The following TDRD5 variants were observed in gnomAD, a reference collection of about 807,000 sequenced individuals.
TDRD5 encodes tudor domain-containing protein 5.
Under a neutral mutation model 120.6 loss-of-function variants are expected in TDRD5, and 41 were observed. The observed-to-expected ratio is 0.34, with a 90% CI of 0.26 to 0.44. The LOEUF (loss-of-function observed/expected upper bound fraction) is 0.44. TDRD5 is among the 20% of genes least tolerant of loss of function. TDRD5 has a pLI of 1.00. For missense variants in TDRD5, 1,006 were observed against 1,221.2 expected, an observed-to-expected ratio of 0.82 and a Z score of 2.63; for synonymous variants, 430 against 433.7, an observed-to-expected ratio of 0.99 and a Z score of 0.11.
intron 13 of TDRD5, among the ~76,000 whole-genome samples, chr1:179,653,442 A>G (rs1222750268): frequency 6.6e-6 from 1 of 152,164 alleles, no homozygotes; most frequent in Non-Finnish European, 1.5e-5. Context: ...TGTTCAAAAC[A>G]ATATAAAGAT....
chr1:179,676,921 T>A (rs1350363227), intron 17 of TDRD5, among the ~76,000 whole-genome samples: 2 of 152,252 alleles, frequency 1.3e-5, no homozygotes, highest in South Asian at 2.1e-4. Context: ...AAGTTTTCCT[T>A]GATTATTCCC....
intron 4 of TDRD5, among the ~76,000 whole-genome samples, chr1:179,611,525 G>A (rs1241975721): frequency 2.6e-5 from 4 of 152,080 alleles, no homozygotes; most frequent in Admixed American, 2.0e-4. Context: ...TAGATTTGCT[G>A]TGCCCTTTTC....
At chr1:179,652,307 C>T in intron 13 of TDRD5, 110 bp downstream of exon 13, 1 of 1,088,606 alleles carries the variant, frequency 9.2e-7, no homozygotes, top group East Asian at 2.7e-5. Flanking sequence ...GGAAATTTTG[C>T]ACAGTGATCT....
At chr1:179,651,172 A>G (rs1678691969) in intron 12 of TDRD5, 105 bp downstream of exon 12, 27 of 1,242,496 alleles carry the variant, frequency 2.2e-5, no homozygotes, top group Non-Finnish European at 2.8e-5. Flanking sequence ...TCTTTAACCA[A>G]TTAGAGACAT....
intron 6 of TDRD5, among the ~76,000 whole-genome samples, chr1:179,628,919 T>TTTGTTGTTG (rs141689839): frequency 1.9e-4 from 28 of 151,296 alleles, no homozygotes; most frequent in Middle Eastern, 3.4e-3. Context: ...GACTGAGGAA[T>TTTGTTGTTG]TTGTTGTTGT....
chr1:179,618,905 T>C (rs1472345091), intron 5 of TDRD5, among the ~76,000 whole-genome samples: 1 of 152,186 alleles, frequency 6.6e-6, no homozygotes, highest in African/African-American at 2.4e-5. Flanking sequence ...AGTTCTCTCT[T>C]CCTTTCCTTC....
intron 17 of TDRD5, among the ~76,000 whole-genome samples, chr1:179,686,925 TTC>T (rs138870925): frequency 0.33 from 50,341 of 151,804 alleles, 8,472 homozygotes; most frequent in Admixed American, 0.41. Context: ...TATTTGATTC[TTC>T]TCTCTTTTGT....
At chr1:179,679,156 A>G (rs1005928893) in intron 17 of TDRD5, among the ~76,000 whole-genome samples, 1 of 152,098 alleles carries the variant, frequency 6.6e-6, no homozygotes, top group Non-Finnish European at 1.5e-5. Flanking sequence ...TGTTTATGGG[A>G]TGGTGAATTA....
At position 179,685,760 on chromosome 1, in the gene TDRD5, C is replaced by A. The variant is rs1230842543; in HGVS notation, c.2861-4936C>A. ...TTCTCCTTGAAGAGGTCCTTCACAT[C>A]CCTTGTAAATTGGATTCCTAGGTAT... On this transcript the variant is annotated intron_variant, in intron 17 of 17. Transcript: ENST00000444136. 2.0e-5 allele frequency among the ~76,000 whole-genome samples: 3 copies of A among 152,094 alleles called. No homozygotes were observed. In the East Asian group the frequency reaches 5.8e-4, roughly 29 times the overall value.
chr1:179,608,738 TTTTTTTTCCTATTGA>T (rs1293104968), intron 4 of TDRD5, among the ~76,000 whole-genome samples: 1 of 152,032 alleles, frequency 6.6e-6, no homozygotes, highest in Admixed American at 6.6e-5. Flanking sequence ...CATTTCTGTT[TTTTTTTTCCTATTGA>T]TTTTTTTCCC....
intron 4 of TDRD5, among the ~76,000 whole-genome samples, chr1:179,609,542 C>A (rs1285595455): frequency 6.6e-6 from 1 of 152,114 alleles, no homozygotes; most frequent in Non-Finnish European, 1.5e-5. Context: ...CTTGGACTTC[C>A]CAGCCTCCAG....
chr1:179,688,308 T>C (rs1223207790), intron 17 of TDRD5, among the ~76,000 whole-genome samples: 1 of 152,198 alleles, frequency 6.6e-6, no homozygotes, highest in Non-Finnish European at 1.5e-5. Context: ...TTATGAAGCT[T>C]AGTTTGGCTG....
chr1:179,617,648 CTACTT>C (rs1414528578), intron 4 of TDRD5, among the ~76,000 whole-genome samples: 1 of 151,468 alleles, frequency 6.6e-6, no homozygotes, highest in East Asian at 1.9e-4. Context: ...ATTCAGTTAT[CTACTT>C]TAATGTCGAT....
chr1:179,602,449 C>T (rs924854642), intron 4 of TDRD5, among the ~76,000 whole-genome samples: 1 of 151,990 alleles, frequency 6.6e-6, no homozygotes, highest in Admixed American at 6.6e-5. Context: ...GAAATCCTTG[C>T]CTAAGCCAAT....
At chr1:179,610,033 A>T (rs1457257064) in intron 4 of TDRD5, among the ~76,000 whole-genome samples, 1 of 152,126 alleles carries the variant, frequency 6.6e-6, no homozygotes, top group Non-Finnish European at 1.5e-5. Flanking sequence ...TAAGGTGGGC[A>T]GGGTGTAGGA....
intron 4 of TDRD5, among the ~76,000 whole-genome samples, chr1:179,608,497 C>A (rs1676109323): frequency 6.6e-6 from 1 of 151,986 alleles, no homozygotes; most frequent in African/African-American, 2.4e-5. Context: ...TATATAGTTT[C>A]AATTGCTGTC....
At chr1:179,623,896 C>G (rs951205349) in intron 6 of TDRD5, among the ~76,000 whole-genome samples, 1 of 152,018 alleles carries the variant, frequency 6.6e-6, no homozygotes, top group African/African-American at 2.4e-5. Flanking sequence ...ATCTCAGCCT[C>G]CCAAAGTGCT....
intron 5 of TDRD5, among the ~76,000 whole-genome samples, chr1:179,619,561 GT>G (rs1165979688): frequency 6.6e-6 from 1 of 151,118 alleles, no homozygotes; most frequent in African/African-American, 2.4e-5. Flanking sequence ...TTCAGGCCCT[GT>G]TTTTTTGTTT....
At chr1:179,642,516 C>A (rs775545729) in intron 11 of TDRD5, among the ~76,000 whole-genome samples, 2 of 152,196 alleles carry the variant, frequency 1.3e-5, no homozygotes, top group Non-Finnish European at 2.9e-5. Context: ...AAATTTAAGT[C>A]CAAATGTTAT....
Sources: allele counts gnomAD v4.1 joint callset (sites outside exome capture counted in the v4.1 genomes callset), GRCh38; gene constraint gnomAD v4.1.1; transcripts MANE v1.5; gene names NCBI Gene and HGNC (gene_info 2026-07-23, HGNC 2026-07-21).